Variants in HECTD2 observed in about 807,000 individuals in gnomAD.
The protein encoded by HECTD2 is probable E3 ubiquitin-protein ligase HECTD2.
A neutral mutation model predicts 103.2 loss-of-function variants in HECTD2; 35 were observed. The observed-to-expected ratio is 0.34, with a 90% CI of 0.26 to 0.45. The LOEUF (loss-of-function observed/expected upper bound fraction) is 0.45. Ranked by LOEUF, HECTD2 falls within the 20% of genes least tolerant of loss-of-function variation. The pLI, the probability that HECTD2 is intolerant of heterozygous loss-of-function variation, is 1.00. For synonymous variants in HECTD2, 281 were observed against 329.9 expected, an observed-to-expected ratio of 0.85 and a Z score of 1.61; for missense variants, 596 against 937.4, an observed-to-expected ratio of 0.64 and a Z score of 4.76.
intron 6 of HECTD2, among the ~76,000 whole-genome samples, 186 bp downstream of exon 6, chr10:91,478,451 T>G (rs1034659158): frequency 1.2e-4 from 18 of 152,190 alleles, no homozygotes; most frequent in African/African-American, 4.3e-4. Context: ...TTGTGACCTC[T>G]CAGTAGGATC....
chr10:91,465,027 A>G (rs555017642), intron 5 of HECTD2, among the ~76,000 whole-genome samples: 2 of 152,254 alleles, frequency 1.3e-5, no homozygotes, highest in Non-Finnish European at 2.9e-5. Context: ...TAGTTTAACT[A>G]TATAATCCTA....
chr10:91,420,378 A>G (rs1029592050), intron 1 of HECTD2, among the ~76,000 whole-genome samples: 2 of 151,382 alleles, frequency 1.3e-5, no homozygotes, highest in African/African-American at 2.4e-5. Context: ...GAGGTCAGGA[A>G]TTCAAGACCA....
At chr10:91,459,533 T>G (rs1845254645) in intron 2 of HECTD2, among the ~76,000 whole-genome samples, 1 of 152,042 alleles carries the variant, frequency 6.6e-6, no homozygotes, top group African/African-American at 2.4e-5. Context: ...TGGATGAATC[T>G]CCAGAAAATT....
At chr10:91,496,815 A>G (rs982931092) in intron 15 of HECTD2, among the ~76,000 whole-genome samples, 1 of 152,044 alleles carries the variant, frequency 6.6e-6, no homozygotes, top group Admixed American at 6.6e-5. Flanking sequence ...TAATCATGCT[A>G]TTATTTACCT....
At chr10:91,466,762 G>A (rs1845544824) in intron 5 of HECTD2, among the ~76,000 whole-genome samples, 1 of 152,104 alleles carries the variant, frequency 6.6e-6, no homozygotes, top group Admixed American at 6.5e-5. Context: ...CCTTCCATAG[G>A]TGAAGGGATA....
chr10:91,483,052 A>G lies in HECTD2; in HGVS notation c.797A>G (p.His266Arg). The G allele has an allele frequency of 1.9e-6, 3 of 1,561,672 alleles. No individual in the cohort carries two copies. The South Asian group carries it at 3.4e-5, about 18-fold the overall frequency. The change falls in exon 8 of 21, where the codon CAT becomes CGT. Residue 266 changes from histidine to arginine, a missense_variant. Transcript: ENST00000298068. ...GCTACCTTAGTGGAAGCTGACCATC[A>G]TTTCCTAGTTCACTGGTTTAAAAAG... ...QIATLVEADH[H>R]FLVHWFKKLS... is the part of the protein sequence containing the mutation.
intron 1 of HECTD2, among the ~76,000 whole-genome samples, chr10:91,414,673 G>T (rs1188878238): frequency 6.6e-6 from 1 of 152,142 alleles, no homozygotes; most frequent in Non-Finnish European, 1.5e-5. Flanking sequence ...AATTATTTAA[G>T]CTGGCTGGCC....
intron 20 of HECTD2, among the ~76,000 whole-genome samples, chr10:91,511,640 C>T (rs899365683): frequency 1.3e-5 from 2 of 152,020 alleles, no homozygotes; most frequent in African/African-American, 4.8e-5. Flanking sequence ...TCATAAGGGG[C>T]ATGCAACCTA....
chr10:91,452,600 A>G (rs964350223), intron 2 of HECTD2, among the ~76,000 whole-genome samples: 7 of 152,036 alleles, frequency 4.6e-5, no homozygotes, highest in African/African-American at 1.4e-4. Flanking sequence ...TGGTGGCTTT[A>G]TAAGAAGAGG....
chr10:91,505,717 G>A (rs1193436167), intron 20 of HECTD2, among the ~76,000 whole-genome samples: 1 of 151,638 alleles, frequency 6.6e-6, no homozygotes, highest in Non-Finnish European at 1.5e-5. Context: ...AGATCAACGA[G>A]ACAGAAAGTC....
chr10:91,444,933 T>G (rs1844535157), intron 2 of HECTD2, among the ~76,000 whole-genome samples: 1 of 152,228 alleles, frequency 6.6e-6, no homozygotes, highest in Non-Finnish European at 1.5e-5. Context: ...TTCCCTTTCT[T>G]TTAATATACT....
chr10:91,503,007 A>T (rs1018762863), intron 20 of HECTD2, among the ~76,000 whole-genome samples: 3 of 152,216 alleles, frequency 2.0e-5, no homozygotes, highest in African/African-American at 7.2e-5. Context: ...CTGAAAGAGG[A>T]GTTTCCATTC....
At chr10:91,471,298 C>G (rs539529333) in intron 5 of HECTD2, among the ~76,000 whole-genome samples, 31 of 152,286 alleles carry the variant, frequency 2.0e-4, no homozygotes, top group South Asian at 4.1e-4. Flanking sequence ...CCCTCCACAA[C>G]TAGGCATTGA....
chr10:91,416,274 A>G (rs1036901154), intron 1 of HECTD2, among the ~76,000 whole-genome samples: 2 of 152,246 alleles, frequency 1.3e-5, no homozygotes, highest in Non-Finnish European at 2.9e-5. Context: ...TAAGGTAGAA[A>G]TGAAGTCTAA....
At chr10:91,453,779 A>G (rs1363978490) in intron 2 of HECTD2, among the ~76,000 whole-genome samples, 1 of 152,152 alleles carries the variant, frequency 6.6e-6, no homozygotes, top group African/African-American at 2.4e-5. Context: ...ACTGTTTTCT[A>G]TTTATAAGAA....
chr10:91,501,039 G>C (rs544199543), intron 19 of HECTD2, 152 bp from the exon 20 acceptor site: 1 of 600,132 alleles, frequency 1.7e-6, no homozygotes, highest in Non-Finnish European at 2.9e-6. Context: ...AGTCTAATAC[G>C]TATATAGAAG....
intron 15 of HECTD2, among the ~76,000 whole-genome samples, chr10:91,497,708 T>C (rs1259124083): frequency 6.6e-6 from 1 of 152,184 alleles, no homozygotes; most frequent in Non-Finnish European, 1.5e-5. Context: ...ATGAATGAAC[T>C]GTGTGTTTTA....
chr10:91,485,463 T>C, intron 10 of HECTD2, 160 bp downstream of exon 10: 1 of 531,304 alleles, frequency 1.9e-6, no homozygotes, highest in Non-Finnish European at 3.1e-6. Context: ...AAGTATTTTC[T>C]TTTTCTGCTA....
chr10:91,477,125 G>C (rs533328155), intron 5 of HECTD2, among the ~76,000 whole-genome samples: 4 of 151,388 alleles, frequency 2.6e-5, no homozygotes, highest in African/African-American at 9.7e-5. Context: ...AGCTTGCAGT[G>C]AGCCGAGATT....
Sources: gnomAD v4.1 joint callset for allele counts (sites outside exome capture counted in the v4.1 genomes callset) on GRCh38, gnomAD v4.1.1 for gene constraint, MANE v1.5 for transcripts, NCBI Gene and HGNC (gene_info 2026-07-23, HGNC 2026-07-21) for gene names.